The following IL1RAPL1 variants were observed in gnomAD, a reference collection of about 807,000 sequenced individuals.
The protein encoded by IL1RAPL1 is interleukin 1 receptor accessory protein like 1, also known as interleukin-1 receptor accessory protein-like 1.
IL1RAPL1 carries 3 observed loss-of-function variants against 48.4 expected under a neutral mutation model. The ratio of observed to expected loss-of-function variants is 0.06; its 90% CI spans 0.03 to 0.16. IL1RAPL1 has a LOEUF of 0.16. Among genes scored for constraint, IL1RAPL1 ranks in the 10% least tolerant of loss-of-function variants. IL1RAPL1 has a pLI of 1.00. For synonymous variants in IL1RAPL1, 185 were observed against 187.7 expected (o/e 0.99, Z 0.12); for missense variants, 349 against 530.6 (o/e 0.66, Z 3.36).
chrX:29,681,886 G>A (rs766628727), intron 6 of IL1RAPL1, among the ~76,000 whole-genome samples: 112 of 97,872 alleles, frequency 1.1e-3, no homozygotes, highest in African/African-American at 4.3e-3. Flanking sequence ...CTCTAAGTTT[G>A]GCTTGGTAAA....
At chrX:28,690,309 C>G (rs761144695) in intron 1 of IL1RAPL1, among the ~76,000 whole-genome samples, 1 of 111,696 alleles carries the variant, frequency 9.0e-6, no homozygotes, top group Non-Finnish European at 1.9e-5. Context: ...TAACCAACTC[C>G]TAGGTGGCTT....
chrX:29,890,487 C>T, intron 6 of IL1RAPL1, among the ~76,000 whole-genome samples: 1 of 111,752 alleles, frequency 8.9e-6, no homozygotes, highest in African/African-American at 3.3e-5. Flanking sequence ...TAACGAAGAA[C>T]CTGATTGTAA....
intron 1 of IL1RAPL1, among the ~76,000 whole-genome samples, chrX:28,607,477 G>A (rs1051771645): frequency 4.5e-5 from 5 of 110,607 alleles, no homozygotes; most frequent in Admixed American, 3.9e-4. Flanking sequence ...GTTTGGGATG[G>A]TCAGGTAGTC....
chrX:28,991,620 G>A (rs966960915), intron 2 of IL1RAPL1, among the ~76,000 whole-genome samples: 1 of 111,696 alleles, frequency 9.0e-6, no homozygotes, highest in Non-Finnish European at 1.9e-5. Context: ...TGCAAAGACC[G>A]AAATGATATT....
At chrX:29,246,150 C>CTT (rs761809643) in intron 2 of IL1RAPL1, among the ~76,000 whole-genome samples, 778 of 51,872 alleles carry the variant, frequency 0.015, 31 homozygotes, top group Admixed American at 0.048. Flanking sequence ...TCTCATCGCT[C>CTT]TTTTTTTTTT....
At chrX:29,208,421 TTAGG>T (rs1221259322) in intron 2 of IL1RAPL1, among the ~76,000 whole-genome samples, 1 of 111,234 alleles carries the variant, frequency 9.0e-6, no homozygotes, top group Non-Finnish European at 1.9e-5. Context: ...TTTAAAAGTC[TTAGG>T]TAGGGGCCGG....
chrX:29,273,017 C>T (rs1295645362), intron 2 of IL1RAPL1, among the ~76,000 whole-genome samples: 2 of 111,666 alleles, frequency 1.8e-5, no homozygotes, highest in South Asian at 3.7e-4. Context: ...GTCTATTTTG[C>T]CTTCCAGCTC....
intron 2 of IL1RAPL1, among the ~76,000 whole-genome samples, chrX:29,224,774 A>G (rs1314519817): frequency 8.9e-6 from 1 of 112,210 alleles, no homozygotes; most frequent in African/African-American, 3.2e-5. Flanking sequence ...TTTATTGTTT[A>G]TTTATAACTA....
At chrX:29,858,262 CAAT>C (rs1266331478) in intron 6 of IL1RAPL1, among the ~76,000 whole-genome samples, 1 of 111,766 alleles carries the variant, frequency 8.9e-6, no homozygotes, top group Non-Finnish European at 1.9e-5. Flanking sequence ...ACACAACACA[CAAT>C]ACACCGTAAA....
chrX:29,381,745 G>A (rs745626476), intron 3 of IL1RAPL1, among the ~76,000 whole-genome samples: 1 of 99,429 alleles, frequency 1.0e-5, no homozygotes, highest in African/African-American at 3.8e-5. Flanking sequence ...GAACCCAGAA[G>A]GTTGAGGCTG....
At chrX:29,005,296 G>A in intron 2 of IL1RAPL1, among the ~76,000 whole-genome samples, 1 of 112,252 alleles carries the variant, frequency 8.9e-6, no homozygotes, top group East Asian at 2.8e-4. Flanking sequence ...GATAAGGAGT[G>A]TTGTGAAACT....
intron 6 of IL1RAPL1, among the ~76,000 whole-genome samples, chrX:29,785,980 C>T (rs749676903): frequency 9.6e-5 from 8 of 83,696 alleles, no homozygotes; most frequent in African/African-American, 3.9e-4. Context: ...AATTATGAGA[C>T]AATCTAAGCA....
chrX:29,848,451 C>T (rs540882606), intron 6 of IL1RAPL1, among the ~76,000 whole-genome samples: 1 of 97,556 alleles, frequency 1.0e-5, no homozygotes, highest in Non-Finnish European at 2.0e-5. Flanking sequence ...AAAAAAAAAA[C>T]ATCCTATTAT....
chrX:28,731,300 GT>G (rs1199836883), intron 1 of IL1RAPL1, among the ~76,000 whole-genome samples: 1 of 111,353 alleles, frequency 9.0e-6, no homozygotes, highest in Non-Finnish European at 1.9e-5. Flanking sequence ...ACTGAACTGT[GT>G]TGGTAGGCCT....
At chrX:28,733,158 A>G (rs970621882) in intron 1 of IL1RAPL1, among the ~76,000 whole-genome samples, 4 of 110,329 alleles carry the variant, frequency 3.6e-5, no homozygotes, top group Non-Finnish European at 7.5e-5. Flanking sequence ...ATACATACTT[A>G]GGACAGTAAC....
At chrX:29,200,152 G>GAA (rs55648143) in intron 2 of IL1RAPL1, among the ~76,000 whole-genome samples, 37 of 105,288 alleles carry the variant, frequency 3.5e-4, no homozygotes, top group Admixed American at 8.2e-4. Context: ...TGTGTAAAAA[G>GAA]AAAAAAAAAA....
At chrX:29,613,620 T>C (rs1219144017) in intron 5 of IL1RAPL1, among the ~76,000 whole-genome samples, 1 of 109,806 alleles carries the variant, frequency 9.1e-6, no homozygotes, top group Non-Finnish European at 1.9e-5. Flanking sequence ...TTGCTATAAA[T>C]GATAGATAAA....
At chrX:28,836,690 A>C (rs1469836715) in intron 2 of IL1RAPL1, among the ~76,000 whole-genome samples, 1 of 110,427 alleles carries the variant, frequency 9.1e-6, no homozygotes, top group Non-Finnish European at 1.9e-5. Context: ...AAGGAAACTT[A>C]AGAAAGTTTC....
chrX:29,494,569 C>T (rs1323053220), intron 5 of IL1RAPL1, among the ~76,000 whole-genome samples: 3 of 111,846 alleles, frequency 2.7e-5, no homozygotes, highest in Non-Finnish European at 5.6e-5. Context: ...ATAGATTTAC[C>T]TGCTGTCTCT....
Sources: gnomAD v4.1 joint callset for allele counts (sites outside exome capture counted in the v4.1 genomes callset) on GRCh38, gnomAD v4.1.1 for gene constraint, MANE v1.5 for transcripts, NCBI Gene and HGNC (gene_info 2026-07-23, HGNC 2026-07-21) for gene names.